Variants in PPM1E observed in about 807,000 individuals in gnomAD.
PPM1E encodes protein phosphatase 1E.
PPM1E carries 20 observed loss-of-function variants against 65.9 expected under a neutral mutation model. The observed-to-expected ratio is 0.30, with a 90% CI of 0.21 to 0.44. The LOEUF (loss-of-function observed/expected upper bound fraction) is 0.44, where lower values mean the gene tolerates loss of function less well. PPM1E is among the 20% of genes least tolerant of loss of function. PPM1E has a pLI of 1.00. For missense variants in PPM1E, 713 were observed against 953.1 expected (o/e 0.75, Z 3.32); for synonymous variants, 352 against 374.9 (o/e 0.94, Z 0.70).
chr17:58,933,265 TATA>T lies in PPM1E; in HGVS notation c.465-22377_465-22375del, dbSNP rs1008437808. On this transcript the variant is annotated intron_variant, in intron 1 of 6. Transcript: ENST00000308249. ...CAGCAGTTCACACTATTTGTATGGC[TATA>T]ATAATATTTTAAAACTCACTGATTT... Among the ~76,000 whole-genome samples, 63 of 152,314 alleles carry T rather than the reference TATA, an allele frequency of 4.1e-4. 1 individual carries two copies. The highest frequency in any genetic ancestry group is 3.3e-3 in the Admixed American group (51 of 15,292).
Position 58,984,436 on chromosome 17 carries a change from A to G in PPM1E, c.*3405A>G, listed in dbSNP as rs182006080. On this transcript the variant is annotated 3_prime_UTR_variant, in exon 7 of 7. Coordinates refer to ENST00000308249, the MANE Select transcript of PPM1E (RefSeq NM_014906.5). ...ATCCTTGATAAGGCTTTGTGGGAAA[A>G]TGATCTAAATTATTGTTTTAATTTT... 4.1e-4 allele frequency: 62 copies of G among 152,778 alleles called. No homozygotes were observed. The highest frequency in any genetic ancestry group is 1.4e-3 in the African/African-American group (57 of 41,572). The allele number at this position is 152,778 out of a possible 1,614,324, so 9.5% of individuals were successfully genotyped here.
chr17:58,880,091 A>C (rs760076420), intron 1 of PPM1E, among the ~76,000 whole-genome samples: 9 of 152,244 alleles, frequency 5.9e-5, no homozygotes, highest in Non-Finnish European at 1.2e-4. Flanking sequence ...GCTGTGAAAA[A>C]GCAGCTAAAT....
chr17:58,859,523 G>A (rs981064781), intron 1 of PPM1E, among the ~76,000 whole-genome samples: 2 of 152,172 alleles, frequency 1.3e-5, no homozygotes, highest in Admixed American at 6.5e-5. Context: ...TTACTAGAGA[G>A]TCATGTCCCA....
intron 1 of PPM1E, among the ~76,000 whole-genome samples, chr17:58,814,099 C>T (rs1193349095): frequency 6.6e-6 from 1 of 152,034 alleles, no homozygotes; most frequent in African/African-American, 2.4e-5. Context: ...TTTCCAATAA[C>T]ATGCTAAAGA....
chr17:58,934,805 T>TA (rs1258831684), intron 1 of PPM1E, among the ~76,000 whole-genome samples: 2 of 151,488 alleles, frequency 1.3e-5, no homozygotes, highest in Non-Finnish European at 2.9e-5. Context: ...TGGGCACCTG[T>TA]AATCCCAGCT....
intron 1 of PPM1E, among the ~76,000 whole-genome samples, chr17:58,838,097 C>G (rs1364019996): frequency 6.6e-6 from 1 of 152,160 alleles, no homozygotes; most frequent in African/African-American, 2.4e-5. Context: ...TATAAGACTT[C>G]TAGAAGATAA....
intron 1 of PPM1E, among the ~76,000 whole-genome samples, chr17:58,884,295 C>T (rs1273937862): frequency 2.0e-5 from 3 of 152,174 alleles, no homozygotes; most frequent in African/African-American, 7.2e-5. Context: ...CTTGCCAATT[C>T]TTATGCCTTT....
intron 1 of PPM1E, among the ~76,000 whole-genome samples, chr17:58,775,618 C>CTTAAGAA (rs1303032292): frequency 1.3e-5 from 2 of 151,920 alleles, no homozygotes; most frequent in Non-Finnish European, 2.9e-5. Flanking sequence ...ATTGAGATTT[C>CTTAAGAA]TTAAGAATAG....
chr17:58,965,516 T>C (rs1473778846), intron 2 of PPM1E, among the ~76,000 whole-genome samples, 178 bp from the exon 3 acceptor site: 1 of 152,198 alleles, frequency 6.6e-6, no homozygotes, highest in Non-Finnish European at 1.5e-5. Flanking sequence ...GATTTTCCAC[T>C]AGATAGGTTG....
chr17:58,867,195 G>T (rs1291961772), intron 1 of PPM1E, among the ~76,000 whole-genome samples: 3 of 152,114 alleles, frequency 2.0e-5, no homozygotes, highest in South Asian at 4.2e-4. Context: ...TGGTCAGGCG[G>T]TCTCGAACTC....
intron 1 of PPM1E, among the ~76,000 whole-genome samples, chr17:58,865,944 G>A (rs1432192027): frequency 6.6e-6 from 1 of 152,184 alleles, no homozygotes; most frequent in Non-Finnish European, 1.5e-5. Flanking sequence ...AGGGCCACCA[G>A]ACAAGACAAG....
intron 1 of PPM1E, among the ~76,000 whole-genome samples, chr17:58,848,842 G>T (rs1463241813): frequency 6.6e-6 from 1 of 152,216 alleles, no homozygotes; most frequent in African/African-American, 2.4e-5. Context: ...AGTTTCAGAA[G>T]GAATGGTACC....
At chr17:58,923,283 TCAAA>T (rs2051777536) in intron 1 of PPM1E, among the ~76,000 whole-genome samples, 1 of 58,698 alleles carries the variant, frequency 1.7e-5, no homozygotes. Context: ...AGACCCTATC[TCAAA>T]AAAAAAAAAA....
intron 1 of PPM1E, among the ~76,000 whole-genome samples, chr17:58,943,245 C>T (rs1255537754): frequency 6.6e-6 from 1 of 151,948 alleles, no homozygotes; most frequent in Non-Finnish European, 1.5e-5. Flanking sequence ...CTTTATAGTA[C>T]TACCTTGCAA....
At chr17:58,789,899 G>C (rs1176723546) in intron 1 of PPM1E, among the ~76,000 whole-genome samples, 8 of 152,116 alleles carry the variant, frequency 5.3e-5, no homozygotes, top group African/African-American at 1.4e-4. Context: ...GTAGGCTTTG[G>C]TTGTCTCATT....
intron 1 of PPM1E, among the ~76,000 whole-genome samples, chr17:58,828,610 A>C (rs1009206566): frequency 1.3e-5 from 2 of 152,026 alleles, no homozygotes; most frequent in African/African-American, 4.8e-5. Flanking sequence ...GATTACAGGC[A>C]TGCACCACTA....
chr17:58,830,536 G>T lies in PPM1E; in HGVS notation c.464+74075G>T, dbSNP rs141515409. Among the ~76,000 whole-genome samples the T allele has an allele frequency of 2.6e-3, 393 of 151,834 alleles. 3 individuals carry two copies. The highest frequency in any genetic ancestry group is 0.017 in the Middle Eastern group (5 of 294). On this transcript the variant is annotated intron_variant, in intron 1 of 6. Transcript: ENST00000308249. ...TTAGCCAGGATGGTCTCAATCTCGT[G>T]ACCTTGTGATCCGCCCACCTCGGTC...
intron 1 of PPM1E, among the ~76,000 whole-genome samples, chr17:58,888,053 A>C (rs967947509): frequency 3.9e-5 from 6 of 152,204 alleles, no homozygotes; most frequent in African/African-American, 1.4e-4. Flanking sequence ...GGAAGAATGG[A>C]ATTGCCCCTT....
chr17:58,875,710 A>G (rs1301730479), intron 1 of PPM1E, among the ~76,000 whole-genome samples: 2 of 152,204 alleles, frequency 1.3e-5, no homozygotes, highest in African/African-American at 2.4e-5. Flanking sequence ...CAGTTGACTG[A>G]ACAAAAACCT....
Sources: allele counts gnomAD v4.1 joint callset (sites outside exome capture counted in the v4.1 genomes callset), GRCh38; gene constraint gnomAD v4.1.1; transcripts MANE v1.5; gene names NCBI Gene and HGNC (gene_info 2026-07-23, HGNC 2026-07-21).